The following MSMB variants were observed in gnomAD, a reference collection of about 807,000 sequenced individuals.
MSMB encodes the protein beta-microseminoprotein.
MSMB carries 10 observed loss-of-function variants against 10.5 expected under a neutral mutation model. That is an observed-to-expected ratio of 0.95 (90% CI 0.59 to 1.62). MSMB has a LOEUF of 1.62. Among genes scored for constraint, MSMB ranks in the 40% most tolerant of loss-of-function variants. The pLI, the probability that MSMB is intolerant of heterozygous loss-of-function variation, is 0.00. For synonymous variants in MSMB, 43 were observed against 46.5 expected, an observed-to-expected ratio of 0.93 and a Z score of 0.30; for missense variants, 126 against 137.4, an observed-to-expected ratio of 0.92 and a Z score of 0.42.
chr10:46,043,652 T>TTTTTG (rs1435174139), intron 1 of MSMB, among the ~76,000 whole-genome samples: 4 of 152,030 alleles, frequency 2.6e-5, no homozygotes, highest in Non-Finnish European at 4.4e-5. Flanking sequence ...CTGGGAGTTT[T>TTTTTG]TTTTGTTTTG....
Position 46,037,430 on chromosome 10 carries a change from GT to G in MSMB, c.215+1535del, listed in dbSNP as rs1376585712. Reference sequence around the variant, plus strand: ...TGAAGAGGTTAGATGGATTTGGGGGGTTGGGAGTTAGGTAGCTGTTATGGAC... The same window carrying G: ...TGAAGAGGTTAGATGGATTTGGGGGGTGGGAGTTAGGTAGCTGTTATGGAC... On this transcript the variant is annotated intron_variant, in intron 3 of 3. Transcript: ENST00000582163. 2.0e-5 allele frequency among the ~76,000 whole-genome samples: 3 copies of G among 152,210 alleles called. No individual in the cohort carries two copies. In the East Asian group the frequency reaches 5.8e-4, roughly 29 times the overall value.
intron 3 of MSMB, among the ~76,000 whole-genome samples, chr10:46,035,463 T>C (rs1840579425): frequency 6.6e-6 from 1 of 152,244 alleles, no homozygotes; most frequent in South Asian, 2.1e-4. Context: ...CATGGAATAT[T>C]ATTCTGGCAG....
intron 3 of MSMB, among the ~76,000 whole-genome samples, chr10:46,038,383 G>T (rs1163138221): frequency 6.6e-6 from 1 of 151,880 alleles, no homozygotes; most frequent in Non-Finnish European, 1.5e-5. Context: ...TGCCTCCCGG[G>T]TTCACGCCAT....
chr10:46,033,467 C>A lies in MSMB; in HGVS notation c.300G>T (p.Lys100Asn). ...CAGAACAGGTCTTTTTTGGGTCCTTCTTCTCCACCACGATATACTTGCAGT... is the reference window on the plus strand; with the variant it reads ...CAGAACAGGTCTTTTTTGGGTCCTTATTCTCCACCACGATATACTTGCAGT... Reference protein sequence around the residue: ...KEDCKYIVVEKKDPKKTCSVS... With the variant: ...KEDCKYIVVENKDPKKTCSVS... Residue 100 changes from lysine (K) to asparagine (N), a missense_variant, in exon 4 of 4, where the codon AAG (lysine) becomes AAT (asparagine). By Grantham distance (94) the Lys-to-Asn change is moderately conservative. Coordinates refer to ENST00000582163, the MANE Select transcript of MSMB (RefSeq NM_002443.4). The A allele has an allele frequency of 6.2e-7, 1 of 1,613,978 alleles. No homozygotes were observed. Among genetic ancestry groups the A allele is most frequent in the Non-Finnish European group, 8.5e-7 (1 of 1,179,872 alleles).
chr10:46,033,615 T>G, intron 3 of MSMB, 64 bp from the exon 4 acceptor site: 1 of 1,594,950 alleles, frequency 6.3e-7, no homozygotes, highest in Non-Finnish European at 8.6e-7. Flanking sequence ...CCCTCCCCAG[T>G]GCCAGCTCTG....
intron 1 of MSMB, among the ~76,000 whole-genome samples, chr10:46,043,675 GT>G (rs1157241562): frequency 6.6e-6 from 1 of 151,978 alleles, no homozygotes; most frequent in Non-Finnish European, 1.5e-5. Context: ...TTGTTTGTCT[GT>G]TTGTTTGTTT....
chr10:46,046,243 T>C lies in MSMB; in HGVS notation c.-6A>G, dbSNP rs1554929418. The stretch of plus-strand genomic sequence containing the variant: ...TAAAACCAGTTACCTACCATTGTGA[T>C]AAGCAGGACTCCTTATAGACAGGTA... On this transcript the variant is annotated 5_prime_UTR_variant, in exon 1 of 4. Coordinates refer to ENST00000582163, the MANE Select transcript of MSMB (RefSeq NM_002443.4). 5 of 1,612,272 alleles carry C rather than the reference T, an allele frequency of 3.1e-6. No homozygotes were observed. The highest frequency in any genetic ancestry group is 4.2e-6 in the Non-Finnish European group (5 of 1,178,238).
At position 46,046,005 on chromosome 10, in the gene MSMB, G is replaced by C. The variant is rs143402529; in HGVS notation, c.3+230C>G. ...AATTGAACCCCAGAATTACTGGAAGGAAAAACAACTTAGATCTTAGAGAAC... is the reference window on the plus strand; with the variant it reads ...AATTGAACCCCAGAATTACTGGAAGCAAAAACAACTTAGATCTTAGAGAAC... On this transcript the variant is annotated intron_variant, in intron 1 of 3. Coordinates refer to ENST00000582163, the MANE Select transcript of MSMB (RefSeq NM_002443.4). 2.1e-3 allele frequency among the ~76,000 whole-genome samples: 313 copies of C among 152,216 alleles called. 2 individuals carry two copies. In the East Asian group the frequency reaches 0.031, roughly 15 times the overall value.
intron 1 of MSMB, among the ~76,000 whole-genome samples, chr10:46,041,359 AAAAAAAAT>A (rs1840748116): frequency 6.6e-6 from 1 of 152,048 alleles, no homozygotes; most frequent in African/African-American, 2.4e-5. Context: ...AAAAAAAAAA[AAAAAAAAT>A]CAATTAAGAT....
chr10:46,039,130 A>G (rs985473934), intron 2 of MSMB, 59 bp from the exon 3 acceptor site: 1 of 1,434,904 alleles, frequency 7.0e-7, no homozygotes, highest in Non-Finnish European at 9.8e-7. Flanking sequence ...AAGGCCTATC[A>G]GGACATTGAG....
At chr10:46,039,925 G>T in intron 2 of MSMB, 61 bp downstream of exon 2, 3 of 1,233,178 alleles carry the variant, frequency 2.4e-6, no homozygotes, top group Non-Finnish European at 3.6e-6. Flanking sequence ...GCTTTCATCT[G>T]CAGACAGGTC....
At chr10:46,043,353 G>A (rs2132424030) in intron 1 of MSMB, among the ~76,000 whole-genome samples, 1 of 152,164 alleles carries the variant, frequency 6.6e-6, no homozygotes, top group South Asian at 2.1e-4. Flanking sequence ...ATTTAATTTT[G>A]AGATTATCCA....
At chr10:46,037,507 GT>G (rs1439375529) in intron 3 of MSMB, among the ~76,000 whole-genome samples, 1 of 152,228 alleles carries the variant, frequency 6.6e-6, no homozygotes, top group Non-Finnish European at 1.5e-5. Context: ...GGTACTCTGT[GT>G]TCCGCCTGCT....
chr10:46,040,120 G>C, intron 1 of MSMB, 29 bp from the exon 2 acceptor site: 1 of 1,581,718 alleles, frequency 6.3e-7, no homozygotes, highest in South Asian at 1.1e-5. Flanking sequence ...TCAGGGTGGA[G>C]AATGAATTAA....
At chr10:46,042,994 C>G (rs1417387016) in intron 1 of MSMB, among the ~76,000 whole-genome samples, 3 of 152,210 alleles carry the variant, frequency 2.0e-5, no homozygotes, top group African/African-American at 7.2e-5. Context: ...ACATTCAGCT[C>G]AAGCCAGGAC....
chr10:46,034,824 CAAA>C (rs782032418), intron 3 of MSMB, among the ~76,000 whole-genome samples: 3 of 107,432 alleles, frequency 2.8e-5, no homozygotes, highest in Non-Finnish European at 3.9e-5. Context: ...GATTCCATCT[CAAA>C]AAAAAAAAAA....
rs1554927117 is a variant in MSMB at position 46,033,539 on chromosome 10, AGG to A, written c.226_227del (p.Pro76CysfsTer4). On this transcript the variant is annotated frameshift_variant, in exon 4 of 4. Transcript: ENST00000582163. LOFTEE classifies it low-confidence loss of function (END_TRUNC). Reference protein sequence around the residue: ...EISCCTLVSTPVGYDKDNCQR... With the variant: ...EISCCTLVSTXVGYDKDNCQR... The stretch of plus-strand genomic sequence containing the variant: ...GGCAGTTGTCTTTGTCATAACCCAC[AGG>A]TGTAGAAACACTGTCATTGAGACAA... The A allele has an allele frequency of 4.3e-6, 7 of 1,613,598 alleles. No individual in the cohort carries two copies. Among genetic ancestry groups the A allele is most frequent in the Non-Finnish European group, 5.9e-6 (7 of 1,179,544 alleles).
rs782195837 is a variant in MSMB at position 46,033,569 on chromosome 10, C to T, written c.216-18G>A. 3 of 1,612,274 alleles carry T rather than the reference C, an allele frequency of 1.9e-6. No individual in the cohort carries two copies. Among genetic ancestry groups the T allele is most frequent in the Non-Finnish European group, 2.5e-6 (3 of 1,178,714 alleles). On this transcript the variant is annotated intron_variant, in intron 3 of 3. Transcript: ENST00000582163. ...TAGAAACACTGTCATTGAGACAAAA[C>T]TGGGGCCTGTTAGAAGAGAAAGGAC...
At chr10:46,039,112 A>G (rs782789992) in intron 2 of MSMB, 41 bp from the exon 3 acceptor site, 7 of 1,563,240 alleles carry the variant, frequency 4.5e-6, no homozygotes, top group East Asian at 2.3e-5. Flanking sequence ...AAGTCATGCA[A>G]TGAGAACAAG....
Sources: allele counts gnomAD v4.1 joint callset (sites outside exome capture counted in the v4.1 genomes callset), GRCh38; gene constraint gnomAD v4.1.1; transcripts MANE v1.5; gene names NCBI Gene and HGNC (gene_info 2026-07-23, HGNC 2026-07-21).